Variants in RNASEH2B observed in about 807,000 individuals in gnomAD.
RNASEH2B encodes ribonuclease H2 subunit B.
Under a neutral mutation model 45.0 loss-of-function variants are expected in RNASEH2B, and 36 were observed. That is an observed-to-expected ratio of 0.80 (90% CI 0.61 to 1.06). The LOEUF is 1.06. Among genes scored for constraint, RNASEH2B ranks in the 50% least tolerant of loss-of-function variants. The probability of loss-of-function intolerance (pLI) is 0.00; values close to 1 mark genes in which losing one functional copy is unlikely to be tolerated. For missense variants in RNASEH2B, 361 were observed against 360.3 expected (o/e 1.00, Z -0.02); for synonymous variants, 119 against 125.7 (o/e 0.95, Z 0.35).
intron 9 of RNASEH2B, among the ~76,000 whole-genome samples, chr13:50,949,795 T>C (rs1002595940): frequency 6.6e-6 from 1 of 152,230 alleles, no homozygotes; most frequent in African/African-American, 2.4e-5. Flanking sequence ...TCTTCCTGCA[T>C]TAGTTAGATC....
intron 1 of RNASEH2B, among the ~76,000 whole-genome samples, chr13:50,914,210 C>G (rs1441615061): frequency 6.6e-6 from 1 of 152,198 alleles, no homozygotes; most frequent in Admixed American, 6.5e-5. Flanking sequence ...CTAAAAAACA[C>G]TCTTTTCCCT....
intron 1 of RNASEH2B, among the ~76,000 whole-genome samples, chr13:50,915,913 T>C (rs1593445942): frequency 1.3e-5 from 2 of 152,350 alleles, no homozygotes; most frequent in African/African-American, 2.4e-5. Flanking sequence ...TCCTGCATGA[T>C]TGGCTACCTT....
chr13:50,918,880 C>G (rs1190254421), intron 1 of RNASEH2B, among the ~76,000 whole-genome samples: 1 of 152,146 alleles, frequency 6.6e-6, no homozygotes, highest in Non-Finnish European at 1.5e-5. Context: ...ATTGCATAAG[C>G]ATGAGAGTGA....
At chr13:50,956,255 C>T in intron 10 of RNASEH2B, 103 bp from the exon 11 acceptor site, 2 of 964,702 alleles carry the variant, frequency 2.1e-6, no homozygotes, top group Non-Finnish European at 3.2e-6. Flanking sequence ...GGGATGCTTA[C>T]CTTCCTTAAT....
At chr13:50,941,631 T>C (rs1245010177) in intron 5 of RNASEH2B, 1 of 152,194 alleles carries the variant, frequency 6.6e-6, no homozygotes. Context: ...CAGCGTCATA[T>C]ATTTATTTAG....
chr13:50,967,642 G>T (rs1164750068), intron 9 of RNASEH2B, among the ~76,000 whole-genome samples: 2 of 152,170 alleles, frequency 1.3e-5, no homozygotes, highest in Non-Finnish European at 2.9e-5. Context: ...CCTTTCCCCA[G>T]TGGCTCTAAC....
chr13:50,958,529 C>A (rs1439850357), downstream of RNASEH2B, among the ~76,000 whole-genome samples: 1 of 152,070 alleles, frequency 6.6e-6, no homozygotes, highest in Non-Finnish European at 1.5e-5. Context: ...TAATGTGATA[C>A]CTCTGGCTTT....
At chr13:50,918,541 T>G (rs1043208755) in intron 1 of RNASEH2B, among the ~76,000 whole-genome samples, 1 of 152,236 alleles carries the variant, frequency 6.6e-6, no homozygotes, top group Non-Finnish European at 1.5e-5. Context: ...CTCTCTTGCT[T>G]TCTTGGTTTG....
intron 9 of RNASEH2B, among the ~76,000 whole-genome samples, chr13:50,968,348 T>G (rs1952186699): frequency 6.6e-6 from 1 of 152,068 alleles, no homozygotes; most frequent in South Asian, 2.1e-4. Context: ...TACAGTGGAC[T>G]ATGATTATAA....
Position 50,949,513 on chromosome 13 carries a change from G to A in RNASEH2B, c.741+8G>A. On this transcript the variant is annotated splice_region_variant and intron_variant, in intron 9 of 10. Coordinates refer to ENST00000336617, the MANE Select transcript of RNASEH2B (RefSeq NM_024570.4). The stretch of plus-strand genomic sequence containing the variant: ...CCAAATCCTCCATCAAAGGTAAGAA[G>A]CTGTGACTAAGATATCTTTGGGGGA... 6.2e-7 allele frequency: 1 copy of A among 1,612,048 alleles called. No individual in the cohort carries two copies. The highest frequency in any genetic ancestry group is 8.5e-7 in the Non-Finnish European group (1 of 1,178,270).
chr13:50,958,592 A>G (rs1346762470), downstream of RNASEH2B, among the ~76,000 whole-genome samples: 1 of 152,096 alleles, frequency 6.6e-6, no homozygotes, highest in Non-Finnish European at 1.5e-5. Context: ...TTGGTTCCAT[A>G]TGAATTTTAG....
chr13:50,914,910 A>C (rs1023739193), intron 1 of RNASEH2B, among the ~76,000 whole-genome samples: 3 of 152,206 alleles, frequency 2.0e-5, no homozygotes, highest in Non-Finnish European at 4.4e-5. Flanking sequence ...TTAAAAAACA[A>C]ACAACTCAGT....
intron 1 of RNASEH2B, among the ~76,000 whole-genome samples, chr13:50,921,734 T>C (rs1951526289): frequency 6.6e-6 from 1 of 152,170 alleles, no homozygotes; most frequent in African/African-American, 2.4e-5. Context: ...ATGAAAACAC[T>C]AGCAAAGATA....
chr13:50,924,441 A>G (rs948238537), intron 1 of RNASEH2B, among the ~76,000 whole-genome samples: 1 of 152,238 alleles, frequency 6.6e-6, no homozygotes, highest in African/African-American at 2.4e-5. Flanking sequence ...ATTACTAGAC[A>G]CATAACAGTC....
Position 50,927,474 on chromosome 13 carries a change from T to A in RNASEH2B, c.132T>A (p.Cys44Ter), listed in dbSNP as rs74876702. Residue 44 changes from cysteine to a stop codon, truncating the protein, a stop_gained, in exon 2 of 11, where the codon TGT (cysteine) becomes TGA (stop). Coordinates refer to ENST00000336617, the MANE Select transcript of RNASEH2B (RefSeq NM_024570.4). LOFTEE classifies it high-confidence loss of function. ...TGTTTGTAAAACTGGTTAACCCCTG[T>A]TCAGGTAAGTTCTCTTCTCATAACT... ...GLMFVKLVNPCSGEGAIYLFN... is the reference protein window; with the variant it reads ...GLMFVKLVNP 10 of 1,582,100 alleles carry A rather than the reference T, an allele frequency of 6.3e-6. No individual in the cohort carries two copies. The highest frequency in any genetic ancestry group is 8.7e-6 in the Non-Finnish European group (10 of 1,151,184).
chr13:50,954,850 A>G (rs1344064519), intron 10 of RNASEH2B: 1 of 152,172 alleles, frequency 6.6e-6, no homozygotes, highest in Non-Finnish European at 1.5e-5. Context: ...GACATTGAGT[A>G]TTGCTTTTAT....
In RNASEH2B at chr13:50,945,531, A is replaced by G. The variant is rs779468408; in HGVS notation, c.615A>G (p.Glu205=). The G allele has an allele frequency of 6.2e-7, 1 of 1,601,226 alleles. No individual in the cohort carries two copies. The highest frequency in any genetic ancestry group is 8.6e-7 in the Non-Finnish European group (1 of 1,168,434). ...FSGDQASTDK[E]EDYIRYAHGL... is the part of the protein sequence containing the mutation. Reference sequence around the variant, plus strand: ...GTGACCAAGCTTCCACTGACAAGGAAGGTAAGTAAAGCATTTTATCAGAAA... The same window carrying G: ...GTGACCAAGCTTCCACTGACAAGGAGGGTAAGTAAAGCATTTTATCAGAAA... The change falls in exon 7 of 11, where the codon GAA becomes GAG. Residue 205 remains glutamate, a splice_region_variant and synonymous_variant. Transcript: ENST00000336617.
chr13:50,938,877 G>T (rs985524682), intron 5 of RNASEH2B: 6 of 152,136 alleles, frequency 3.9e-5, no homozygotes, highest in Non-Finnish European at 7.3e-5. Flanking sequence ...AGAATTTGGA[G>T]AACTTACACA....
At chr13:50,949,633 T>C in intron 9 of RNASEH2B, 128 bp downstream of exon 9, 9 of 820,114 alleles carry the variant, frequency 1.1e-5, no homozygotes, top group Non-Finnish European at 1.9e-5. Context: ...TGATGCCATG[T>C]GGAATAAAGA....
Sources: allele counts gnomAD v4.1 joint callset (sites outside exome capture counted in the v4.1 genomes callset), GRCh38; gene constraint gnomAD v4.1.1; transcripts MANE v1.5; gene names NCBI Gene and HGNC (gene_info 2026-07-23, HGNC 2026-07-21).